The following CACNA2D1 variants were observed in gnomAD, a reference collection of about 807,000 sequenced individuals.
CACNA2D1 encodes voltage-dependent calcium channel subunit alpha-2/delta-1.
A neutral mutation model predicts 171.5 loss-of-function variants in CACNA2D1; 53 were observed. That is an observed-to-expected ratio of 0.31 (90% confidence interval 0.25 to 0.39). The LOEUF (loss-of-function observed/expected upper bound fraction) is 0.39, where lower values mean the gene tolerates loss of function less well. Ranked by LOEUF, CACNA2D1 falls within the 10% of genes least tolerant of loss-of-function variation. The pLI, the probability that CACNA2D1 is intolerant of heterozygous loss-of-function variation, is 1.00. For synonymous variants in CACNA2D1, 442 were observed against 443.1 expected, an observed-to-expected ratio of 1.00 and a Z score of 0.03; for missense variants, 903 against 1,299.8, an observed-to-expected ratio of 0.69 and a Z score of 4.69.
At chr7:82,304,518 G>C (rs1047137175) in intron 3 of CACNA2D1, among the ~76,000 whole-genome samples, 7 of 151,974 alleles carry the variant, frequency 4.6e-5, no homozygotes, top group African/African-American at 1.7e-4. Flanking sequence ...ATACTATTGG[G>C]CCACAAAAAA....
At chr7:82,124,196 A>G (rs981417856) in intron 5 of CACNA2D1, among the ~76,000 whole-genome samples, 1 of 152,168 alleles carries the variant, frequency 6.6e-6, no homozygotes, top group African/African-American at 2.4e-5. Flanking sequence ...GCAGGAGAAT[A>G]GGGTTTAGAG....
chr7:82,113,151 T>C (rs2129050305), intron 6 of CACNA2D1, among the ~76,000 whole-genome samples: 1 of 152,196 alleles, frequency 6.6e-6, no homozygotes, highest in African/African-American at 2.4e-5. Context: ...CAAGTTGGGG[T>C]TTCTTCCTAT....
chr7:82,282,171 G>A (rs1204593283), intron 3 of CACNA2D1, among the ~76,000 whole-genome samples: 1 of 152,008 alleles, frequency 6.6e-6, no homozygotes, highest in African/African-American at 2.4e-5. Flanking sequence ...GGTGACCCCC[G>A]CCTGTAGTCC....
upstream of CACNA2D1, chr7:82,443,784 C>T (rs1310041310): frequency 8.0e-6 from 8 of 997,810 alleles, no homozygotes; most frequent in East Asian, 2.6e-4. Flanking sequence ...CGCTCTCCCT[C>T]TCGGTTTCCT....
intron 1 of CACNA2D1, among the ~76,000 whole-genome samples, chr7:82,389,252 C>A (rs1300418586): frequency 6.8e-6 from 1 of 146,412 alleles, no homozygotes; most frequent in African/African-American, 2.5e-5. Flanking sequence ...TTTTTTAGTC[C>A]CTTTTGTTTC....
intron 3 of CACNA2D1, among the ~76,000 whole-genome samples, chr7:82,311,325 A>T (rs1814439437): frequency 6.6e-6 from 1 of 152,030 alleles, no homozygotes; most frequent in African/African-American, 2.4e-5. Flanking sequence ...TTTTTAGATC[A>T]TACAAATGCA....
At chr7:82,396,353 G>T (rs1344996475) in intron 1 of CACNA2D1, among the ~76,000 whole-genome samples, 2 of 152,072 alleles carry the variant, frequency 1.3e-5, no homozygotes, top group Admixed American at 1.3e-4. Context: ...ACATAAATAA[G>T]ATTTCTCTTT....
rs147382800 is a variant in CACNA2D1, at chr7:82,108,882, T to A, written c.526+8162A>T. 6.6e-5 allele frequency among the ~76,000 whole-genome samples: 10 copies of A among 152,334 alleles called. No homozygotes were observed. In the East Asian group the frequency reaches 1.9e-3, roughly 29 times the overall value. On this transcript the variant is annotated intron_variant, in intron 6 of 38. Coordinates refer to ENST00000356860, the MANE Select transcript of CACNA2D1 (RefSeq NM_000722.4). ...ACTCAGGCTTGTCCTCAATGTCTTATGATGTTCTTACCATTTCCCTGCTCG... is the reference window on the plus strand; with the variant it reads ...ACTCAGGCTTGTCCTCAATGTCTTAAGATGTTCTTACCATTTCCCTGCTCG...
At chr7:82,101,645 G>A (rs985158470) in intron 6 of CACNA2D1, among the ~76,000 whole-genome samples, 1 of 152,060 alleles carries the variant, frequency 6.6e-6, no homozygotes, top group Non-Finnish European at 1.5e-5. Flanking sequence ...TTCAATTAAG[G>A]TGAGTATAGC....
At chr7:82,330,592 C>T (rs1270453780) in intron 3 of CACNA2D1, among the ~76,000 whole-genome samples, 1 of 151,992 alleles carries the variant, frequency 6.6e-6, no homozygotes, top group Non-Finnish European at 1.5e-5. Context: ...ATTTTCCAAA[C>T]TCAAATAAAA....
chr7:82,193,095 C>G (rs573210465), intron 3 of CACNA2D1, among the ~76,000 whole-genome samples: 3 of 151,874 alleles, frequency 2.0e-5, no homozygotes, highest in African/African-American at 7.2e-5. Flanking sequence ...CTCAAGGGGT[C>G]GTACAAGGAT....
rs969657856 is a variant in CACNA2D1 at position 82,341,288 on chromosome 7, C to T, written c.178-6037G>A. On this transcript the variant is annotated intron_variant, in intron 2 of 38. Transcript: ENST00000356860. ...TCTCTTTTTTCTTTATCATAAGTCT[C>T]CTCATCATCTAAGCTGGCCATCACA... Among the ~76,000 whole-genome samples the T allele has an allele frequency of 4.6e-5, 7 of 152,048 alleles. No homozygotes were observed. In the South Asian group the frequency reaches 1.5e-3, roughly 32 times the overall value.
At chr7:81,977,060 T>C (rs534360704) in intron 24 of CACNA2D1, among the ~76,000 whole-genome samples, 3 of 152,272 alleles carry the variant, frequency 2.0e-5, no homozygotes, top group East Asian at 3.9e-4. Flanking sequence ...TCTTGCCTGA[T>C]TGCCCTGGCC....
intron 6 of CACNA2D1, among the ~76,000 whole-genome samples, chr7:82,094,150 T>G (rs1811574114): frequency 6.6e-6 from 1 of 151,850 alleles, no homozygotes; most frequent in African/African-American, 2.4e-5. Context: ...GATGGAAAGA[T>G]CAGATCCATT....
chr7:82,279,597 T>C (rs1030670338), intron 3 of CACNA2D1, among the ~76,000 whole-genome samples: 2 of 152,206 alleles, frequency 1.3e-5, no homozygotes, highest in African/African-American at 4.8e-5. Flanking sequence ...TAAATCTGTA[T>C]AGGACTAAAA....
intron 3 of CACNA2D1, among the ~76,000 whole-genome samples, chr7:82,198,638 T>C (rs1169070183): frequency 6.6e-6 from 1 of 151,854 alleles, no homozygotes; most frequent in Non-Finnish European, 1.5e-5. Context: ...CCTTCTATTT[T>C]ACATTCAAAC....
chr7:82,214,830 A>T (rs1214589825), intron 3 of CACNA2D1, among the ~76,000 whole-genome samples: 2 of 152,176 alleles, frequency 1.3e-5, no homozygotes, highest in Non-Finnish European at 2.9e-5. Flanking sequence ...AACCTCCAAA[A>T]AGTTAAACTA....
chr7:82,181,343 C>T (rs1797124101), intron 3 of CACNA2D1, among the ~76,000 whole-genome samples: 1 of 152,112 alleles, frequency 6.6e-6, no homozygotes. Context: ...TTTATTTTGT[C>T]TTCAGCAATT....
chr7:82,132,169 C>T (rs1320924415), intron 5 of CACNA2D1, among the ~76,000 whole-genome samples: 2 of 151,978 alleles, frequency 1.3e-5, no homozygotes, highest in Admixed American at 6.6e-5. Flanking sequence ...AGTACAGCAC[C>T]CAATTTTATA....
Sources: gnomAD v4.1 joint callset for allele counts (sites outside exome capture counted in the v4.1 genomes callset) on GRCh38, gnomAD v4.1.1 for gene constraint, MANE v1.5 for transcripts, NCBI Gene and HGNC (gene_info 2026-07-23, HGNC 2026-07-21) for gene names.